The following TAGLN3 variants were observed in gnomAD, a reference collection of about 807,000 sequenced individuals.
TAGLN3 encodes the protein transgelin 3.
A neutral mutation model predicts 25.4 loss-of-function variants in TAGLN3; 12 were observed. The ratio of observed to expected loss-of-function variants is 0.47; its 90% CI spans 0.30 to 0.77. The LOEUF is 0.77. Among genes scored for constraint, TAGLN3 ranks in the 30% least tolerant of loss-of-function variants. TAGLN3 has a pLI of 0.06. For synonymous variants in TAGLN3, 96 were observed against 94.8 expected, an observed-to-expected ratio of 1.01 and a Z score of -0.08; for missense variants, 218 against 255.8, an observed-to-expected ratio of 0.85 and a Z score of 1.01.
intron 3 of TAGLN3, among the ~76,000 whole-genome samples, chr3:112,005,698 TTTTC>T (rs367789854): frequency 0.042 from 717 of 17,106 alleles, 95 homozygotes; most frequent in Non-Finnish European, 0.14. Flanking sequence ...ATTTTCTTTT[TTTTC>T]TTTTTTTTTT....
In TAGLN3 at chr3:111,999,557, G is replaced by A. The variant is rs1559941122; in HGVS notation, c.135G>A (p.Pro45=). The A allele has an allele frequency of 3.1e-6, 5 of 1,613,936 alleles. No individual in the cohort carries two copies. Among genetic ancestry groups the A allele is most frequent in the Admixed American group, 3.3e-5 (2 of 59,994 alleles). ...AGTGCGCCGAGGACATAGAGCACCC[G>A]CCCCCCGGCAGGGCCCATTTTCAGA... ...ILQCAEDIEH[P]PPGRAHFQKW... Residue 45 remains proline (P), a synonymous_variant, in exon 2 of 5, where the codon CCG becomes CCA. Transcript: ENST00000478951.
At position 112,000,953 on chromosome 3, in the gene TAGLN3, A is replaced by G. The variant is rs926117968; in HGVS notation, c.355+7A>G. The G allele has an allele frequency of 3.7e-6, 6 of 1,612,934 alleles. No individual in the cohort carries two copies. The African/African-American group carries it at 8.0e-5, about 22-fold the overall frequency. Reference sequence around the variant, plus strand: ...ACGGTGGATCTATGGGAAGGTAAACAGCCCCCTGGCCTTTGGGATTGTTCT... The same window carrying G: ...ACGGTGGATCTATGGGAAGGTAAACGGCCCCCTGGCCTTTGGGATTGTTCT... On this transcript the variant is annotated splice_region_variant and intron_variant, in intron 3 of 4. Transcript: ENST00000478951.
chr3:112,005,702 C>CTTTTTTT (rs761424017), intron 3 of TAGLN3, among the ~76,000 whole-genome samples: 1 of 30,134 alleles, frequency 3.3e-5, no homozygotes. Flanking sequence ...TCTTTTTTTT[C>CTTTTTTT]TTTTTTTTTT....
intron 3 of TAGLN3, among the ~76,000 whole-genome samples, chr3:112,009,975 CACTT>C (rs2072958612): frequency 6.6e-6 from 1 of 151,312 alleles, no homozygotes; most frequent in Non-Finnish European, 1.5e-5. Flanking sequence ...TTATATATAA[CACTT>C]ACATATAAGT....
intron 3 of TAGLN3, among the ~76,000 whole-genome samples, chr3:112,003,649 T>C (rs12629723): frequency 0.025 from 3,786 of 152,274 alleles, 172 homozygotes; most frequent in East Asian, 0.18. Context: ...TCCTCACATA[T>C]CAACTTACAT....
chr3:111,999,404 T>G lies in TAGLN3; in HGVS notation c.-2-17T>G, dbSNP rs1157407615. On this transcript the variant is annotated splice_polypyrimidine_tract_variant and intron_variant, in intron 1 of 4. Transcript: ENST00000478951. ...TGCTATTGTGTGGATGCCGCGCGTG[T>G]CTTCTCTTCTTTCCAGAGATGGCTA... 3.7e-6 allele frequency: 6 copies of G among 1,611,066 alleles called. No individual in the cohort carries two copies. The highest frequency in any genetic ancestry group is 5.1e-6 in the Non-Finnish European group (6 of 1,177,614).
rs762205826 is a variant in TAGLN3, at chr3:112,013,627, A to C, written c.*76A>C. 13 of 1,588,700 alleles carry C rather than the reference A, an allele frequency of 8.2e-6. No individual in the cohort carries two copies. Among genetic ancestry groups the C allele is most frequent in the Non-Finnish European group, 1.1e-5 (13 of 1,163,884 alleles). On this transcript the variant is annotated 3_prime_UTR_variant, in exon 5 of 5. Coordinates refer to ENST00000478951, the MANE Select transcript of TAGLN3 (RefSeq NM_001008272.2). The stretch of plus-strand genomic sequence containing the variant: ...CTCTACGAAAAAGAAATAGTTAGTC[A>C]CCTTCTGACCTTCTCCTCTTTCTCA...
Position 111,999,485 on chromosome 3 carries a change from G to C in TAGLN3, c.63G>C (p.Lys21Asn). The change falls in exon 2 of 5, where the codon AAG (lysine) becomes AAC (asparagine). Residue 21 changes from lysine to asparagine, a missense_variant. Physicochemically the swap from Lys to Asn is moderately conservative, Grantham distance 94. Coordinates refer to ENST00000478951, the MANE Select transcript of TAGLN3 (RefSeq NM_001008272.2). The stretch of plus-strand genomic sequence containing the variant: ...AGGTGCAGGAGAAGATCGAGCAGAA[G>C]TATGATGCGGACCTGGAGAACAAGC... Reference protein sequence around the residue: ...SREVQEKIEQKYDADLENKLV... With the variant: ...SREVQEKIEQNYDADLENKLV... The C allele has an allele frequency of 1.9e-6, 3 of 1,614,226 alleles. No individual in the cohort carries two copies. The highest frequency in any genetic ancestry group is 2.5e-6 in the Non-Finnish European group (3 of 1,180,032).
At chr3:112,013,342 T>C in intron 4 of TAGLN3, 68 bp from the exon 5 acceptor site, 1 of 1,553,978 alleles carries the variant, frequency 6.4e-7, no homozygotes, top group Non-Finnish European at 8.7e-7. Flanking sequence ...GCCTGTCTAA[T>C]TGCATATCTT....
intron 4 of TAGLN3, among the ~76,000 whole-genome samples, chr3:112,012,724 G>A (rs1286447954): frequency 6.6e-6 from 1 of 152,062 alleles, no homozygotes; most frequent in Admixed American, 6.6e-5. Context: ...TGTATTATTA[G>A]TGAACTACCG....
At chr3:112,012,274 T>TCCTC (rs1431758689) in intron 4 of TAGLN3, among the ~76,000 whole-genome samples, 1 of 121,010 alleles carries the variant, frequency 8.3e-6, no homozygotes, top group Admixed American at 8.7e-5. Context: ...CTTCCTTCCT[T>TCCTC]CCTCCTTCCC....
rs144018017 is a variant in TAGLN3, at chr3:112,008,275, T to C, written c.356-3488T>C. The stretch of plus-strand genomic sequence containing the variant: ...AGGCAGATATGACACTTGGTTGTGA[T>C]ACGACTAGTTTTCTTTTCTTGTTTA... On this transcript the variant is annotated intron_variant, in intron 3 of 4. Transcript: ENST00000478951. Among the ~76,000 whole-genome samples the C allele has an allele frequency of 3.5e-3, 527 of 152,314 alleles. 5 individuals carry two copies. Among genetic ancestry groups the C allele is most frequent in the African/African-American group, 0.012 (501 of 41,568 alleles).
chr3:112,010,773 TGTCTC>T (rs2072967737), intron 3 of TAGLN3, among the ~76,000 whole-genome samples: 1 of 152,246 alleles, frequency 6.6e-6, no homozygotes, highest in Non-Finnish European at 1.5e-5. Flanking sequence ...ATCAGCTTTC[TGTCTC>T]TCCTCTTCGA....
At chr3:112,003,985 T>C (rs1310107967) in intron 3 of TAGLN3, among the ~76,000 whole-genome samples, 1 of 152,198 alleles carries the variant, frequency 6.6e-6, no homozygotes, top group Non-Finnish European at 1.5e-5. Context: ...GGTGAAATAC[T>C]TCAGATAGAC....
Position 112,013,718 on chromosome 3 carries a change from G to A in TAGLN3, c.*167G>A. 1.1e-6 allele frequency: 1 copy of A among 945,984 alleles called. No homozygotes were observed. Among genetic ancestry groups the A allele is most frequent in the Non-Finnish European group, 1.7e-6 (1 of 601,098 alleles). 58.6% of individuals were successfully genotyped at this position (945,984 alleles called of 1,614,324 possible). ...CCGAGAATCCGCGTTGCCTACTGCT[G>A]CCACCTCCTGTTCATTTAGAACTAT... On this transcript the variant is annotated 3_prime_UTR_variant, in exon 5 of 5. Transcript: ENST00000478951.
In TAGLN3 at chr3:112,007,447, T is replaced by C. The variant is rs1178454561; in HGVS notation, c.356-4316T>C. 3.9e-5 allele frequency among the ~76,000 whole-genome samples: 6 copies of C among 152,326 alleles called. No homozygotes were observed. In the East Asian group the frequency reaches 9.6e-4, roughly 24 times the overall value. ...GGCAACCACTGATCTTTTTACTGTC[T>C]CAAGAGTTTTGCCTTTTCTAGTATG... On this transcript the variant is annotated intron_variant, in intron 3 of 4. Transcript: ENST00000478951.
At chr3:112,008,749 G>C (rs759928768) in intron 3 of TAGLN3, among the ~76,000 whole-genome samples, 1 of 152,188 alleles carries the variant, frequency 6.6e-6, no homozygotes, top group Non-Finnish European at 1.5e-5. Flanking sequence ...ACAAGAAAGT[G>C]AGCTAGATGT....
At chr3:112,012,274 T>TCCTTCCTTCCTC (rs2072987195) in intron 4 of TAGLN3, among the ~76,000 whole-genome samples, 1 of 121,010 alleles carries the variant, frequency 8.3e-6, no homozygotes, top group Non-Finnish European at 1.7e-5. Flanking sequence ...CTTCCTTCCT[T>TCCTTCCTTCCTC]CCTCCTTCCC....
Position 112,000,806 on chromosome 3 carries a change from C to A in TAGLN3, c.215C>A (p.Pro72Gln), listed in dbSNP as rs1307910782. Residue 72 changes from proline to glutamine, a missense_variant, in exon 3 of 5, where the codon CCA (proline) becomes CAA (glutamine). Physicochemically the swap from Pro to Gln is moderately conservative, Grantham distance 76. Coordinates refer to ENST00000478951, the MANE Select transcript of TAGLN3 (RefSeq NM_001008272.2). ...LCKLINSLYP[P>Q]GQEPIPKISE... ...AAGCTGATAAATAGTTTATACCCAC[C>A]AGGACAAGAGCCCATACCCAAGATC... 1 of 1,613,996 alleles carries A rather than the reference C, an allele frequency of 6.2e-7. No homozygotes were observed. Among genetic ancestry groups the A allele is most frequent in the Non-Finnish European group, 8.5e-7 (1 of 1,180,018 alleles).
Sources: gnomAD v4.1 joint callset for allele counts (sites outside exome capture counted in the v4.1 genomes callset) on GRCh38, gnomAD v4.1.1 for gene constraint, MANE v1.5 for transcripts, NCBI Gene and HGNC (gene_info 2026-07-23, HGNC 2026-07-21) for gene names.